Variants in EMP2 observed in about 807,000 individuals in gnomAD.
EMP2 encodes the protein epithelial membrane protein 2.
EMP2 carries 19 observed loss-of-function variants against 13.7 expected under a neutral mutation model. That is an observed-to-expected ratio of 1.38 (90% CI 0.97 to 2.03). The LOEUF is 2.03. Ranked by LOEUF, EMP2 falls within the 30% of genes most tolerant of loss-of-function variation. EMP2 has a pLI of 0.00. For synonymous variants in EMP2, 97 were observed against 84.7 expected, an observed-to-expected ratio of 1.15 and a Z score of -0.80; for missense variants, 253 against 220.7, an observed-to-expected ratio of 1.15 and a Z score of -0.93.
At chr16:10,553,278 C>T (rs2050801673) in intron 1 of EMP2, among the ~76,000 whole-genome samples, 1 of 152,248 alleles carries the variant, frequency 6.6e-6, no homozygotes, top group South Asian at 2.1e-4. Flanking sequence ...TCTCAGTTTC[C>T]TGTGCCTCCT....
In EMP2 at chr16:10,580,250, T is replaced by G. The variant is rs1329522515; in HGVS notation, c.-61+299A>C. The stretch of plus-strand genomic sequence containing the variant: ...GGACTCCAAGAGCCCCGGGTGTAAG[T>G]CCGGCGGGGCGAGGGGAGGCGCCCT... On this transcript the variant is annotated intron_variant, in intron 1 of 4. Transcript: ENST00000359543. The surrounding 1 kb of genome is among the most constrained non-coding windows in gnomAD (Gnocchi z 4.3). Among the ~76,000 whole-genome samples, 1 of 152,086 alleles carries G rather than the reference T, an allele frequency of 6.6e-6. No individual in the cohort carries two copies. The highest frequency in any genetic ancestry group is 1.5e-5 in the Non-Finnish European group (1 of 67,990).
chr16:10,575,410 C>T (rs932906820), intron 1 of EMP2, among the ~76,000 whole-genome samples: 3 of 151,690 alleles, frequency 2.0e-5, no homozygotes, highest in Non-Finnish European at 1.5e-5. Context: ...CCCGCCACCA[C>T]ACCGGGCTAA....
intron 1 of EMP2, among the ~76,000 whole-genome samples, chr16:10,577,515 A>G (rs1807854327): frequency 6.6e-6 from 1 of 152,050 alleles, no homozygotes; most frequent in Non-Finnish European, 1.5e-5. Context: ...GCCAGGCTTC[A>G]CCACTCCTGG....
At chr16:10,537,809 C>T (rs1340699694) in intron 4 of EMP2, 119 bp downstream of exon 4, 14 of 1,338,438 alleles carry the variant, frequency 1.0e-5, no homozygotes, top group African/African-American at 7.2e-5. Flanking sequence ...CACAGCACCG[C>T]GCGGCTGCCA....
At chr16:10,553,415 A>C (rs567658541) in intron 1 of EMP2, among the ~76,000 whole-genome samples, 1 of 152,218 alleles carries the variant, frequency 6.6e-6, no homozygotes, top group African/African-American at 2.4e-5. Flanking sequence ...TGATTGGAGG[A>C]AACGCCACTG....
At chr16:10,572,555 G>A (rs1222137465) in intron 1 of EMP2, among the ~76,000 whole-genome samples, 1 of 152,092 alleles carries the variant, frequency 6.6e-6, no homozygotes, top group East Asian at 1.9e-4. Context: ...TCACTACCCG[G>A]CACATAGTAA....
rs1014470446 is a variant in EMP2, at chr16:10,532,916, T to C, written c.493A>G (p.Lys165Glu). 6.5e-7 allele frequency: 1 copy of C among 1,541,934 alleles called. No homozygotes were observed. Among genetic ancestry groups the C allele is most frequent in the Non-Finnish European group, 8.8e-7 (1 of 1,139,798 alleles). ...ISGMMYLILR[K>E]RK ...CCAGCTCCGGAACTCTATTTGCGCTTCCTCAGTATCAGGTACATCATGCCG... is the reference window on the plus strand; with the variant it reads ...CCAGCTCCGGAACTCTATTTGCGCTCCCTCAGTATCAGGTACATCATGCCG... The change falls in exon 5 of 5, where the codon AAG becomes GAG. Residue 165 changes from lysine to glutamate, a missense_variant. Transcript: ENST00000359543.
intron 1 of EMP2, among the ~76,000 whole-genome samples, chr16:10,570,779 G>A (rs187306647): frequency 3.3e-4 from 50 of 152,166 alleles, no homozygotes; most frequent in African/African-American, 8.2e-4. Context: ...GGCCTGAAGC[G>A]ATCCTCCTGC....
In EMP2 at chr16:10,538,774, G is replaced by A. The variant is rs996132185; in HGVS notation, c.170-700C>T. Reference sequence around the variant, plus strand: ...CCATAGGGAAGGCATCCTGCACATGGGTTACCTTCGTGGGCCTCAGTTTCC... The same window carrying A: ...CCATAGGGAAGGCATCCTGCACATGAGTTACCTTCGTGGGCCTCAGTTTCC... On this transcript the variant is annotated intron_variant, in intron 3 of 4. Coordinates refer to ENST00000359543, the MANE Select transcript of EMP2 (RefSeq NM_001424.6). Among the ~76,000 whole-genome samples the A allele has an allele frequency of 5.9e-5, 9 of 152,154 alleles. No individual in the cohort carries two copies. The South Asian group carries it at 1.5e-3, about 25-fold the overall frequency.
chr16:10,532,903 C>A lies in EMP2; in HGVS notation c.*2G>T. 1 of 1,498,114 alleles carries A rather than the reference C, an allele frequency of 6.7e-7. No individual in the cohort carries two copies. The highest frequency in any genetic ancestry group is 9.0e-7 in the Non-Finnish European group (1 of 1,115,844). 92.8% of individuals were successfully genotyped at this position (1,498,114 alleles called of 1,614,324 possible). A position where few individuals can be genotyped will look rare whatever the true frequency, so the allele number is the denominator to read the frequency against. On this transcript the variant is annotated 3_prime_UTR_variant, in exon 5 of 5. Transcript: ENST00000359543. ...CAGCAGAAGCAACCCAGCTCCGGAA[C>A]TCTATTTGCGCTTCCTCAGTATCAG...
At chr16:10,538,771 A>G (rs369429357) in intron 3 of EMP2, among the ~76,000 whole-genome samples, 1 of 152,224 alleles carries the variant, frequency 6.6e-6, no homozygotes, top group East Asian at 1.9e-4. Flanking sequence ...CATCCTGCAC[A>G]TGGGTTACCT....
At chr16:10,543,515 G>A (rs1269305159) in intron 3 of EMP2, 55 bp downstream of exon 3, 8 of 1,591,336 alleles carry the variant, frequency 5.0e-6, no homozygotes, top group East Asian at 2.2e-5. Flanking sequence ...CCTCACTCCT[G>A]ACCGTTCCTT....
At chr16:10,566,735 A>T (rs1365393261) in intron 1 of EMP2, among the ~76,000 whole-genome samples, 3 of 152,146 alleles carry the variant, frequency 2.0e-5, no homozygotes, top group Non-Finnish European at 4.4e-5. Context: ...CCATTTTCAC[A>T]GGTGACTACC....
At chr16:10,570,760 C>T (rs1410574824) in intron 1 of EMP2, among the ~76,000 whole-genome samples, 1 of 152,038 alleles carries the variant, frequency 6.6e-6, no homozygotes, top group Non-Finnish European at 1.5e-5. Context: ...AGGCTGGTCT[C>T]AAACTCCTGG....
chr16:10,562,570 A>T (rs1239133931), intron 1 of EMP2, among the ~76,000 whole-genome samples: 1 of 152,136 alleles, frequency 6.6e-6, no homozygotes, highest in Non-Finnish European at 1.5e-5. Context: ...CCCAGCTGAA[A>T]TCAGAAAAAC....
chr16:10,555,107 G>A (rs929835746), intron 1 of EMP2, among the ~76,000 whole-genome samples: 1 of 152,094 alleles, frequency 6.6e-6, no homozygotes, highest in Non-Finnish European at 1.5e-5. Flanking sequence ...CAGAAACGAA[G>A]GAGGGCCAAG....
At chr16:10,567,257 T>C (rs1217690027) in intron 1 of EMP2, among the ~76,000 whole-genome samples, 1 of 152,312 alleles carries the variant, frequency 6.6e-6, no homozygotes, top group African/African-American at 2.4e-5. Flanking sequence ...ACAGCAGATA[T>C]TAAGTCATTA....
chr16:10,546,640 G>A (rs367816983), intron 2 of EMP2: 20 of 152,146 alleles, frequency 1.3e-4, no homozygotes, highest in African/African-American at 4.8e-4. Flanking sequence ...AAGATCTAGG[G>A]CAGCGGTCCT....
intron 1 of EMP2, among the ~76,000 whole-genome samples, chr16:10,568,059 A>C (rs1388132791): frequency 1.3e-5 from 2 of 152,214 alleles, no homozygotes; most frequent in African/African-American, 4.8e-5. Context: ...AGACAGACAC[A>C]GAAAACACAG....
Sources: gnomAD v4.1 joint callset for allele counts (sites outside exome capture counted in the v4.1 genomes callset) on GRCh38, gnomAD v4.1.1 for gene constraint, Gnocchi (gnomAD v3.1) non-coding constraint, MANE v1.5 for transcripts, NCBI Gene and HGNC (gene_info 2026-07-23, HGNC 2026-07-21) for gene names.